CEBPZOS: variants seen among roughly 807,000 people sequenced by gnomAD.
CEBPZOS encodes the protein protein CEBPZOS.
In CEBPZOS, 10 loss-of-function variants were observed where a neutral mutation model predicts 4.8. The ratio of observed to expected loss-of-function variants is 2.07; its 90% CI spans 1.28 to 3.52. CEBPZOS has a LOEUF of 3.52. Ranked by LOEUF, CEBPZOS falls within the 30% of genes most tolerant of loss-of-function variation. The pLI is 0.00. For missense variants in CEBPZOS, 98 were observed against 43.6 expected (o/e 2.25, Z -3.51); for synonymous variants, 25 against 14.2 (o/e 1.77, Z -1.72).
At chr2:37,215,728 G>A (rs1206110163), downstream of CEBPZOS, among the ~76,000 whole-genome samples, 1 of 152,138 alleles carries the variant, frequency 6.6e-6, no homozygotes. Flanking sequence ...ATGATGCTCT[G>A]TGACAAAACC....
intron 4 of CEBPZOS, chr2:37,212,749 C>A: frequency 5.4e-6 from 1 of 184,928 alleles, no homozygotes; most frequent in Non-Finnish European, 1.1e-5. Context: ...CAATATGTAA[C>A]ATCTCATGCT....
intron 4 of CEBPZOS, chr2:37,212,398 A>G (rs1398862458): frequency 6.2e-7 from 1 of 1,610,738 alleles, no homozygotes; most frequent in South Asian, 1.1e-5. Context: ...TGTGTCTGCC[A>G]GACAATACAG....
downstream of CEBPZOS, among the ~76,000 whole-genome samples, chr2:37,208,257 A>T (rs1677604704): frequency 1.3e-5 from 2 of 152,212 alleles, no homozygotes; most frequent in Non-Finnish European, 2.9e-5. Flanking sequence ...AAACTATTCC[A>T]AAAGATAGGG....
intron 4 of CEBPZOS, chr2:37,210,998 C>T (rs1397324907): frequency 3.8e-6 from 6 of 1,596,224 alleles, no homozygotes; most frequent in Non-Finnish European, 5.1e-6. Flanking sequence ...TATTTTCTTA[C>T]CTTGAAATGA....
chr2:37,213,886 A>T, downstream of CEBPZOS: 7 of 1,607,868 alleles, frequency 4.4e-6, no homozygotes, highest in Non-Finnish European at 5.9e-6. Context: ...CAAATTCTTC[A>T]TCATCCACGT....
At chr2:37,196,728 G>C (rs894841854) in intron 1 of CEBPZOS, 1 of 152,352 alleles carries the variant, frequency 6.6e-6, no homozygotes, top group Non-Finnish European at 1.5e-5. Flanking sequence ...TGCTCCGTGC[G>C]TGCCCGCGCG....
chr2:37,197,724 G>T (rs1382896661), intron 1 of CEBPZOS, among the ~76,000 whole-genome samples: 1 of 152,130 alleles, frequency 6.6e-6, no homozygotes, highest in Non-Finnish European at 1.5e-5. Flanking sequence ...AAATTAGCCA[G>T]ACGTGGTGGC....
chr2:37,211,126 A>G, intron 4 of CEBPZOS: 6 of 1,283,898 alleles, frequency 4.7e-6, no homozygotes, highest in Non-Finnish European at 6.7e-6. Flanking sequence ...TAAAAACAAT[A>G]AGACTGGAAA....
rs77671550 is a variant in CEBPZOS, at chr2:37,204,130, T to G, written c.*2270T>G. ...TTTGCATGCATTAGGAAGTTTTTTT[T>G]GGGTTTTATTCATCCTGTAGTGATG... On this transcript the variant is annotated 3_prime_UTR_variant, in exon 5 of 5. Coordinates refer to ENST00000402297, the MANE Select transcript of CEBPZOS (RefSeq NM_001322374.2). 3,870 of 152,244 alleles carry G rather than the reference T, an allele frequency of 0.025. 82 individuals carry two copies. Among genetic ancestry groups the G allele is most frequent in the Middle Eastern group, 0.054 (16 of 296 alleles). 9.4% of individuals were successfully genotyped at this position (152,244 alleles called of 1,614,324 possible). A position where few individuals can be genotyped will look rare whatever the true frequency, so the allele number is the denominator to read the frequency against.
chr2:37,213,980 A>G (rs1424784699), downstream of CEBPZOS: 1 of 1,340,104 alleles, frequency 7.5e-7, no homozygotes, highest in Admixed American at 2.6e-5. Context: ...TTCATGTTAT[A>G]TATTTGACAA....
rs983030045 is a variant in CEBPZOS at position 37,212,182 on chromosome 2, T to C, written c.*3-1255T>C. The C allele has an allele frequency of 1.2e-4, 117 of 983,532 alleles. No individual in the cohort carries two copies. In the Admixed American group the frequency reaches 2.9e-3, roughly 24 times the overall value. 60.9% of individuals were successfully genotyped at this position (983,532 alleles called of 1,614,324 possible). ...GCTCAGAGTAAATAATAACGTGCTT[T>C]ATAAATGTCAAAGATGAAAGTACTG... On this transcript the variant is annotated intron_variant, in intron 4 of 4. Coordinates refer to the CEBPZOS transcript ENST00000397064.
downstream of CEBPZOS, chr2:37,208,759 T>G (rs574517668): frequency 6.6e-6 from 1 of 152,222 alleles, no homozygotes; most frequent in South Asian, 2.1e-4. Flanking sequence ...CTTTCACCAC[T>G]TCTATTCAAC....
chr2:37,202,149 C>A lies in CEBPZOS; in HGVS notation c.*289C>A. ...GCTCTAAAGATTTTCTCTCCCCAAG[C>A]ACTTTTACTGGTGAAATAAAAACCA... is the stretch of plus-strand genomic sequence containing the variant. On this transcript the variant is annotated 3_prime_UTR_variant, in exon 5 of 5. Transcript: ENST00000402297. The A allele has an allele frequency of 1.8e-5, 5 of 282,104 alleles. No homozygotes were observed. The highest frequency in any genetic ancestry group is 1.4e-4 in the South Asian group (1 of 7,290). The allele number at this position is 282,104 out of a possible 1,614,324, so 17.5% of individuals were successfully genotyped here.
chr2:37,212,146 C>A, intron 4 of CEBPZOS: 4 of 1,052,890 alleles, frequency 3.8e-6, no homozygotes, highest in Non-Finnish European at 5.5e-6. Context: ...AAGGAGAAAG[C>A]TTTGCAGACT....
intron 4 of CEBPZOS, chr2:37,212,745 G>A (rs1677763163): frequency 5.1e-6 from 1 of 196,734 alleles, no homozygotes; most frequent in Admixed American, 5.8e-5. Context: ...GATACAATAT[G>A]TAACATCTCA....
At chr2:37,197,828 T>G (rs7581158) in intron 1 of CEBPZOS, among the ~76,000 whole-genome samples, 1 of 151,676 alleles carries the variant, frequency 6.6e-6, no homozygotes, top group Admixed American at 6.6e-5. Flanking sequence ...ATCGCACCAC[T>G]GCACTCCTGC....
downstream of CEBPZOS, among the ~76,000 whole-genome samples, chr2:37,207,921 A>G (rs1290672373): frequency 6.6e-6 from 1 of 152,192 alleles, no homozygotes; most frequent in Non-Finnish European, 1.5e-5. Context: ...CCAAAAAAAG[A>G]AGAGAGAAGA....
chr2:37,205,690 G>A (rs1014486102), downstream of CEBPZOS, among the ~76,000 whole-genome samples: 1 of 152,180 alleles, frequency 6.6e-6, no homozygotes, highest in Non-Finnish European at 1.5e-5. Context: ...TTAGTCATCA[G>A]TATTTAGCAG....
chr2:37,197,991 C>T (rs1280680795), intron 1 of CEBPZOS, among the ~76,000 whole-genome samples: 1 of 152,058 alleles, frequency 6.6e-6, no homozygotes, highest in African/African-American at 2.4e-5. Flanking sequence ...TGAAATCCGT[C>T]TCTACTAAAA....
Sources: allele counts gnomAD v4.1 joint callset (sites outside exome capture counted in the v4.1 genomes callset), GRCh38; gene constraint gnomAD v4.1.1; transcripts MANE v1.5; gene names NCBI Gene and HGNC (gene_info 2026-07-23, HGNC 2026-07-21).